CELF2: variants seen among roughly 807,000 people sequenced by gnomAD.
CELF2 encodes the protein CUGBP Elav-like family member 2, also known as CUG triplet repeat RNA-binding protein 2.
In CELF2, 8 loss-of-function variants were observed where a neutral mutation model predicts 62.6. That is an observed-to-expected ratio of 0.13 (90% CI 0.07 to 0.23). The LOEUF is 0.23. Among genes scored for constraint, CELF2 ranks in the 10% least tolerant of loss-of-function variants. The probability of loss-of-function intolerance (pLI) is 1.00; values close to 1 mark genes in which losing one functional copy is unlikely to be tolerated. For synonymous variants in CELF2, 258 were observed against 250.0 expected, an observed-to-expected ratio of 1.03 and a Z score of -0.30; for missense variants, 333 against 671.0, an observed-to-expected ratio of 0.50 and a Z score of 5.56.
At chr10:10,472,444 C>T in the CELF2 span, among the ~76,000 whole-genome samples, 1 of 151,706 alleles carries the variant, frequency 6.6e-6, no homozygotes. Context: ...AAATTTAATT[C>T]TCTGGAGGTT....
the CELF2 span, among the ~76,000 whole-genome samples, chr10:10,650,629 C>CAACT: frequency 6.6e-6 from 1 of 152,166 alleles, no homozygotes; most frequent in African/African-American, 2.4e-5. Flanking sequence ...CAATGAGATA[C>CAACT]AACTTCATAC....
intron 2 of CELF2, among the ~76,000 whole-genome samples, chr10:11,185,335 C>T (rs1006143032): frequency 7.2e-5 from 11 of 151,988 alleles, no homozygotes; most frequent in Admixed American, 1.3e-4. Context: ...TCACCACACC[C>T]AGCTATATTG....
intron 2 of CELF2, among the ~76,000 whole-genome samples, chr10:10,924,281 C>CAAA (rs11415164): frequency 0.028 from 1,259 of 44,978 alleles, 209 homozygotes; most frequent in East Asian, 0.12. Context: ...GACTCCGTCC[C>CAAA]AAAAAAAAAA....
intron 2 of CELF2, among the ~76,000 whole-genome samples, chr10:11,190,290 G>T (rs191176296): frequency 9.2e-5 from 14 of 151,808 alleles, no homozygotes; most frequent in Admixed American, 2.6e-4. Flanking sequence ...TCTTGGGAAT[G>T]AACATCAAAT....
At chr10:11,146,066 T>C (rs2062214645) in intron 1 of CELF2, among the ~76,000 whole-genome samples, 2 of 152,204 alleles carry the variant, frequency 1.3e-5, no homozygotes, top group South Asian at 4.1e-4. Context: ...TCTGTTGCTG[T>C]AGGATCTGGC....
At chr10:10,835,382 GA>G (rs2058198332) in intron 1 of CELF2, among the ~76,000 whole-genome samples, 1 of 104,748 alleles carries the variant, frequency 9.5e-6, no homozygotes. Context: ...CCAGCAGATT[GA>G]TTTTTTTTTT....
At chr10:10,672,697 A>G in the CELF2 span, among the ~76,000 whole-genome samples, 3 of 152,016 alleles carry the variant, frequency 2.0e-5, no homozygotes, top group East Asian at 5.8e-4. Flanking sequence ...TCTTTATTGT[A>G]GCTTTATAGT....
At chr10:10,858,816 T>A (rs1484436319) in intron 1 of CELF2, among the ~76,000 whole-genome samples, 1 of 152,160 alleles carries the variant, frequency 6.6e-6, no homozygotes, top group Non-Finnish European at 1.5e-5. Flanking sequence ...AATAACATTA[T>A]TCCTTTAGTT....
At chr10:10,817,651 G>A (rs986657473) in intron 1 of CELF2, among the ~76,000 whole-genome samples, 4 of 152,082 alleles carry the variant, frequency 2.6e-5, no homozygotes, top group Non-Finnish European at 4.4e-5. Flanking sequence ...CAAACGACTC[G>A]ATCTCATTTT....
At position 11,269,720 on chromosome 10, in the gene CELF2, A is replaced by G. The variant is rs150389642; in HGVS notation, c.619-946A>G. 3.2e-3 allele frequency among the ~76,000 whole-genome samples: 493 copies of G among 152,320 alleles called. 1 individual carries two copies. Among genetic ancestry groups the G allele is most frequent in the Middle Eastern group, 6.8e-3 (2 of 294 alleles). ...TACTTACCAAGTGGCAAATGTTGCA[A>G]AGGTGCTTTGGAAAGGAGGTCTTCG... is the stretch of plus-strand genomic sequence containing the variant. On this transcript the variant is annotated intron_variant, in intron 6 of 12. Coordinates refer to ENST00000633077, the MANE Select transcript of CELF2 (RefSeq NM_001326342.2). This position sits in a 1 kb window ranked among gnomAD's most constrained non-coding sequence, Gnocchi z 4.4.
At chr10:11,245,718 C>T (rs1271624923) in intron 3 of CELF2, among the ~76,000 whole-genome samples, 1 of 152,174 alleles carries the variant, frequency 6.6e-6, no homozygotes, top group Non-Finnish European at 1.5e-5. Flanking sequence ...AGTCATACAG[C>T]TATAGAGATC....
At chr10:10,819,982 G>A (rs756029635) in intron 1 of CELF2, among the ~76,000 whole-genome samples, 2 of 152,140 alleles carry the variant, frequency 1.3e-5, no homozygotes, top group African/African-American at 2.4e-5. Context: ...CCCGTGTGTT[G>A]TGGGAGGGAC....
At chr10:11,256,155 A>G (rs952834736) in intron 4 of CELF2, among the ~76,000 whole-genome samples, 1 of 152,244 alleles carries the variant, frequency 6.6e-6, no homozygotes, top group Admixed American at 6.5e-5. Flanking sequence ...TCATGGAGCA[A>G]TCATGTGTGG....
intron 9 of CELF2, 85 bp downstream of exon 9, chr10:11,288,637 G>A (rs2091923630): frequency 2.7e-6 from 4 of 1,483,634 alleles, no homozygotes; most frequent in East Asian, 2.4e-5. Context: ...CGAGGGTGAG[G>A]CTAGACGTGT....
In CELF2 at chr10:11,315,164, A is replaced by G. The variant is rs367766408; in HGVS notation, c.1096+906A>G. Reference sequence around the variant, plus strand: ...CTGAGGAAACTGATCCTCAGCCCACAGCGGGGACATGTAATTTCCCTGTCC... The same window carrying G: ...CTGAGGAAACTGATCCTCAGCCCACGGCGGGGACATGTAATTTCCCTGTCC... On this transcript the variant is annotated intron_variant, in intron 10 of 12. Coordinates refer to ENST00000633077, the MANE Select transcript of CELF2 (RefSeq NM_001326342.2). The surrounding 1 kb of genome is among the most constrained non-coding windows in gnomAD (Gnocchi z 5.8). Among the ~76,000 whole-genome samples, 2 of 152,138 alleles carry G rather than the reference A, an allele frequency of 1.3e-5. No homozygotes were observed. The highest frequency in any genetic ancestry group is 1.9e-4 in the East Asian group (1 of 5,190).
rs1178050155 is a variant in CELF2 at position 11,311,316 on chromosome 10, C to A, written c.977-2823C>A. Among the ~76,000 whole-genome samples, 2 of 152,154 alleles carry A rather than the reference C, an allele frequency of 1.3e-5. No homozygotes were observed. The highest frequency in any genetic ancestry group is 2.9e-5 in the Non-Finnish European group (2 of 68,022). ...CCTAAGCCATGAAGTTAAAGTATCCCCAGCTTGTAGTTTCCTCCAGCACCT... is the reference window on the plus strand; with the variant it reads ...CCTAAGCCATGAAGTTAAAGTATCCACAGCTTGTAGTTTCCTCCAGCACCT... On this transcript the variant is annotated intron_variant, in intron 9 of 12. Coordinates refer to ENST00000633077, the MANE Select transcript of CELF2 (RefSeq NM_001326342.2). This position sits in a 1 kb window ranked among gnomAD's most constrained non-coding sequence, Gnocchi z 4.7.
chr10:10,908,878 C>G (rs1240055664), intron 1 of CELF2, among the ~76,000 whole-genome samples: 7 of 152,178 alleles, frequency 4.6e-5, no homozygotes, highest in African/African-American at 1.7e-4. Flanking sequence ...CCTTCCACCT[C>G]CCAGATTCAG....
chr10:11,269,492 G>A lies in CELF2; in HGVS notation c.619-1174G>A, dbSNP rs187626381. ...GGAACAGAGAATCACATTTAAATAG[G>A]AATATAACATTTCTGAGAGGAGAGA... is the stretch of plus-strand genomic sequence containing the variant. On this transcript the variant is annotated intron_variant, in intron 6 of 12. Transcript: ENST00000633077. The surrounding 1 kb of genome is among the most constrained non-coding windows in gnomAD (Gnocchi z 4.4). Among the ~76,000 whole-genome samples, 114 of 152,290 alleles carry A rather than the reference G, an allele frequency of 7.5e-4. 2 individuals are homozygous for A. The highest frequency in any genetic ancestry group is 2.5e-3 in the African/African-American group (104 of 41,566).
the CELF2 span, among the ~76,000 whole-genome samples, chr10:10,467,732 T>C: frequency 1.3e-5 from 2 of 152,088 alleles, no homozygotes; most frequent in Non-Finnish European, 2.9e-5. Context: ...ATTTATGTAG[T>C]TGTTCTTTAA....
Sources: gnomAD v4.1 joint callset for allele counts (sites outside exome capture counted in the v4.1 genomes callset) on GRCh38, gnomAD v4.1.1 for gene constraint, Gnocchi (gnomAD v3.1) non-coding constraint, MANE v1.5 for transcripts, NCBI Gene and HGNC (gene_info 2026-07-23, HGNC 2026-07-21) for gene names.